The following COX7A2L variants were observed in gnomAD, a reference collection of about 807,000 sequenced individuals.
COX7A2L encodes the protein cytochrome c oxidase subunit 7A2 like.
Under a neutral mutation model 14.2 loss-of-function variants are expected in COX7A2L, and 18 were observed. The observed-to-expected ratio is 1.27, with a 90% CI of 0.88 to 1.88. The LOEUF (loss-of-function observed/expected upper bound fraction) is 1.88. COX7A2L is among the 40% of genes most tolerant of loss of function. COX7A2L has a pLI of 0.00. For missense variants in COX7A2L, 179 were observed against 138.8 expected (o/e 1.29, Z -1.46); for synonymous variants, 65 against 57.4 (o/e 1.13, Z -0.60).
intron 1 of COX7A2L, 41 bp downstream of exon 1, chr2:42,361,049 C>T: frequency 6.2e-7 from 1 of 1,606,414 alleles, no homozygotes; most frequent in Non-Finnish European, 8.5e-7. Context: ...AGGCTAGGGC[C>T]GCCACTTCTC....
chr2:42,336,157 AT>A (rs1670266651), intron 2 of COX7A2L, among the ~76,000 whole-genome samples: 1 of 152,138 alleles, frequency 6.6e-6, no homozygotes, highest in African/African-American at 2.4e-5. Flanking sequence ...CTTGGTCCTC[AT>A]TCCCCATCCC....
At chr2:42,343,142 T>C (rs1376906139) in intron 2 of COX7A2L, among the ~76,000 whole-genome samples, 4 of 152,122 alleles carry the variant, frequency 2.6e-5, no homozygotes, top group East Asian at 3.9e-4. Context: ...AGGCATGACA[T>C]GGGTTCCCAG....
intron 2 of COX7A2L, among the ~76,000 whole-genome samples, chr2:42,337,448 G>A (rs1306292844): frequency 1.3e-5 from 2 of 152,120 alleles, no homozygotes; most frequent in Non-Finnish European, 2.9e-5. Flanking sequence ...GTGACTTCAG[G>A]GGACAGGAAT....
chr2:42,343,550 G>A (rs1016813380), intron 2 of COX7A2L, among the ~76,000 whole-genome samples: 1 of 152,202 alleles, frequency 6.6e-6, no homozygotes, highest in African/African-American at 2.4e-5. Flanking sequence ...CAGCCAACCC[G>A]ACATGGGCAG....
downstream of COX7A2L, among the ~76,000 whole-genome samples, chr2:42,346,998 ACCT>A (rs772040623): frequency 9.2e-5 from 14 of 151,552 alleles, no homozygotes; most frequent in South Asian, 2.1e-4. Flanking sequence ...TGCAGCCTTG[ACCT>A]CCTGGGCTCA....
upstream of COX7A2L, among the ~76,000 whole-genome samples, chr2:42,364,759 C>T (rs1265864648): frequency 6.6e-6 from 1 of 152,070 alleles, no homozygotes; most frequent in Non-Finnish European, 1.5e-5. Context: ...AGCTAAAGAG[C>T]TGAGGGTCTG....
chr2:42,344,746 G>T (rs912467060), downstream of COX7A2L, among the ~76,000 whole-genome samples: 1 of 151,968 alleles, frequency 6.6e-6, no homozygotes, highest in African/African-American at 2.4e-5. Flanking sequence ...AGCTACTCAG[G>T]AGCCTGAGGC....
intron 1 of COX7A2L, among the ~76,000 whole-genome samples, chr2:42,367,355 C>G (rs142425456): frequency 2.6e-5 from 4 of 152,258 alleles, no homozygotes; most frequent in Non-Finnish European, 4.4e-5. Context: ...AGCAAAGGTA[C>G]CAGCGTGTGT....
upstream of COX7A2L, among the ~76,000 whole-genome samples, chr2:42,362,229 G>C (rs1671074386): frequency 6.6e-6 from 1 of 152,164 alleles, no homozygotes; most frequent in African/African-American, 2.4e-5. Flanking sequence ...AAATATGTCT[G>C]TTAAGCCTGT....
chr2:42,362,794 G>T (rs977704339), upstream of COX7A2L, among the ~76,000 whole-genome samples: 76 of 151,516 alleles, frequency 5.0e-4, no homozygotes, highest in African/African-American at 1.8e-3. Flanking sequence ...TGATATAATG[G>T]AAAGAACATG....
At chr2:42,344,820 C>A (rs1473718673), downstream of COX7A2L, among the ~76,000 whole-genome samples, 2 of 151,288 alleles carry the variant, frequency 1.3e-5, no homozygotes, top group African/African-American at 4.9e-5. Flanking sequence ...CACTGTACTC[C>A]AGCCTGGGTG....
chr2:42,353,457 C>A, intron 1 of COX7A2L, 114 bp from the exon 2 acceptor site: 1 of 1,375,966 alleles, frequency 7.3e-7, no homozygotes, highest in Non-Finnish European at 1.0e-6. Flanking sequence ...CCAACTTTCC[C>A]AGAGCAAACC....
At position 42,353,239 on chromosome 2, in the gene COX7A2L, T is replaced by A. The variant is rs2103892624; in HGVS notation, c.177A>T (p.Lys59Asn). 1 of 1,614,160 alleles carries A rather than the reference T, an allele frequency of 6.2e-7. No homozygotes were observed. Among genetic ancestry groups the A allele is most frequent in the Middle Eastern group, 1.6e-4 (1 of 6,062 alleles). ...GGAAAAACTTTTGTAGCTCTGGAAC[T>A]TTGTTTTTCCCAGCATAATCATACA... ...STVYDYAGKN[K>N]VPELQKFFQK... Residue 59 changes from lysine to asparagine, a missense_variant, in exon 2 of 3, where the codon AAA becomes AAT. By Grantham distance (94) the Lys-to-Asn change is moderately conservative. Transcript: ENST00000234301.
chr2:42,361,227 C>T, upstream of COX7A2L: 3 of 1,466,760 alleles, frequency 2.0e-6, no homozygotes, highest in African/African-American at 1.4e-5. Context: ...GACCCCGCCT[C>T]CCCGGCTGTG....
intron 2 of COX7A2L, among the ~76,000 whole-genome samples, chr2:42,341,381 G>T (rs1301252756): frequency 3.3e-5 from 5 of 152,152 alleles, no homozygotes; most frequent in Non-Finnish European, 4.4e-5. Flanking sequence ...GTCCCACCTG[G>T]GCAGACCATG....
At chr2:42,348,844 A>C (rs141704745), downstream of COX7A2L, among the ~76,000 whole-genome samples, 1,424 of 152,174 alleles carry the variant, frequency 9.4e-3, 25 homozygotes, top group African/African-American at 0.032. Context: ...CTTGAACGTG[A>C]GAGGCGGAGA....
chr2:42,341,400 G>A (rs1023465406), intron 2 of COX7A2L, among the ~76,000 whole-genome samples: 5 of 152,160 alleles, frequency 3.3e-5, no homozygotes, highest in African/African-American at 9.7e-5. Flanking sequence ...TGCCTCACTT[G>A]GTACCCCAAG....
At chr2:42,364,294 T>TA (rs969669523), upstream of COX7A2L, among the ~76,000 whole-genome samples, 8 of 142,260 alleles carry the variant, frequency 5.6e-5, no homozygotes, top group South Asian at 6.9e-4. Context: ...CTGGCAGAGA[T>TA]AAAAAAACAT....
At chr2:42,368,593 G>A (rs992606173) in intron 1 of COX7A2L, among the ~76,000 whole-genome samples, 1 of 152,144 alleles carries the variant, frequency 6.6e-6, no homozygotes, top group African/African-American at 2.4e-5. Flanking sequence ...AGTGGCTTAT[G>A]TATCTGCCAC....
Sources: gnomAD v4.1 joint callset for allele counts (sites outside exome capture counted in the v4.1 genomes callset) on GRCh38, gnomAD v4.1.1 for gene constraint, MANE v1.5 for transcripts, NCBI Gene and HGNC (gene_info 2026-07-23, HGNC 2026-07-21) for gene names.